NTM: variants seen among roughly 807,000 people sequenced by gnomAD.
NTM encodes neurotrimin, also known as IgLON family member 2.
Under a neutral mutation model 42.1 loss-of-function variants are expected in NTM, and 13 were observed. The ratio of observed to expected loss-of-function variants is 0.31; its 90% confidence interval spans 0.20 to 0.49. NTM has a LOEUF of 0.49. Among genes scored for constraint, NTM ranks in the 20% least tolerant of loss-of-function variants. NTM has a pLI of 0.99. For synonymous variants in NTM, 187 were observed against 179.2 expected, an observed-to-expected ratio of 1.04 and a Z score of -0.35; for missense variants, 373 against 452.8, an observed-to-expected ratio of 0.82 and a Z score of 1.60.
chr11:131,946,633 C>A (rs962259864), intron 2 of NTM, among the ~76,000 whole-genome samples: 1 of 152,146 alleles, frequency 6.6e-6, no homozygotes, highest in African/African-American at 2.4e-5. Context: ...ATTTTACATT[C>A]ATCTCTAACC....
intron 1 of NTM, among the ~76,000 whole-genome samples, chr11:131,397,034 C>G (rs1352420119): frequency 6.6e-6 from 1 of 152,038 alleles, no homozygotes; most frequent in African/African-American, 2.4e-5. Context: ...GACAGTCACT[C>G]AGGAATAACT....
intron 4 of NTM, among the ~76,000 whole-genome samples, chr11:132,275,565 G>T (rs1229182552): frequency 2.0e-5 from 3 of 149,170 alleles, no homozygotes; most frequent in East Asian, 3.9e-4. Context: ...CACATATATT[G>T]CAGAGCAAGT....
intron 1 of NTM, among the ~76,000 whole-genome samples, chr11:131,616,135 G>C (rs2061909659): frequency 6.6e-6 from 1 of 152,194 alleles, no homozygotes; most frequent in African/African-American, 2.4e-5. Flanking sequence ...TCAAGAGGTA[G>C]CAAATCATCT....
rs2061529439 is a variant in NTM, at chr11:131,612,367, A to G, written c.82+241479A>G. Reference sequence around the variant, plus strand: ...TAGGCTATGGCCTGCTTTGTTATACAGCAACAGATAACTAATACGCTAGTT... The same window carrying G: ...TAGGCTATGGCCTGCTTTGTTATACGGCAACAGATAACTAATACGCTAGTT... On this transcript the variant is annotated intron_variant, in intron 1 of 8. Coordinates refer to ENST00000683400, the MANE Select transcript of NTM (RefSeq NM_001352005.2). Among the ~76,000 whole-genome samples, 12 of 152,394 alleles carry G rather than the reference A, an allele frequency of 7.9e-5. 1 individual carries two copies. The South Asian group carries it at 2.5e-3, about 32-fold the overall frequency.
chr11:131,565,457 G>C (rs934945001), intron 1 of NTM, among the ~76,000 whole-genome samples: 1 of 152,168 alleles, frequency 6.6e-6, no homozygotes, highest in Non-Finnish European at 1.5e-5. Context: ...GGTTGGTTCT[G>C]TTCTCATGCC....
chr11:131,450,548 G>GC (rs1173428569), intron 1 of NTM, among the ~76,000 whole-genome samples: 1 of 152,114 alleles, frequency 6.6e-6, no homozygotes, highest in Non-Finnish European at 1.5e-5. Context: ...GGGCTGCTTG[G>GC]CCAACCATGT....
intron 1 of NTM, among the ~76,000 whole-genome samples, chr11:131,455,311 A>G (rs1447053225): frequency 6.6e-6 from 1 of 152,208 alleles, no homozygotes; most frequent in Non-Finnish European, 1.5e-5. Context: ...CTCACCCCAG[A>G]GGCTGTGCAG....
At position 132,335,771 on chromosome 11, in the gene NTM, T is replaced by TACAG; in HGVS notation, c.*626_*627insCAGA. 1 of 152,428 alleles carries TACAG rather than the reference T, an allele frequency of 6.6e-6. No homozygotes were observed. Among genetic ancestry groups the TACAG allele is most frequent in the African/African-American group, 2.4e-5 (1 of 41,438 alleles). 9.4% of individuals were successfully genotyped at this position (152,428 alleles called of 1,614,324 possible). On this transcript the variant is annotated 3_prime_UTR_variant, in exon 9 of 9. Transcript: ENST00000683400. Reference sequence around the variant, plus strand: ...CATTTTACTACATGAACATCATGGATAACAAGGGATTCTGATTCATTATTA... The same window carrying TACAG: ...CATTTTACTACATGAACATCATGGATACAGAACAAGGGATTCTGATTCATTATTA...
chr11:132,240,266 C>T (rs1052736346), intron 4 of NTM, among the ~76,000 whole-genome samples: 3 of 152,136 alleles, frequency 2.0e-5, no homozygotes, highest in Non-Finnish European at 4.4e-5. Flanking sequence ...GCATTTTAGT[C>T]CTTCTCTTTT....
rs142636001 is a variant in NTM, at chr11:131,688,712, G to A, written c.83-222852G>A. On this transcript the variant is annotated intron_variant, in intron 1 of 8. Transcript: ENST00000683400. ...TTGAGCTTGATGCTGCTTCTTCAGGGGTGGGGGTGATGCGTGTGTGGAAGA... is the reference window on the plus strand; with the variant it reads ...TTGAGCTTGATGCTGCTTCTTCAGGAGTGGGGGTGATGCGTGTGTGGAAGA... 5.8e-3 allele frequency among the ~76,000 whole-genome samples: 889 copies of A among 152,328 alleles called. 12 individuals are homozygous for A. Among genetic ancestry groups the A allele is most frequent in the African/African-American group, 0.02 (832 of 41,574 alleles).
At chr11:132,066,594 C>T (rs1343273463) in intron 2 of NTM, among the ~76,000 whole-genome samples, 4 of 152,170 alleles carry the variant, frequency 2.6e-5, no homozygotes, top group Non-Finnish European at 4.4e-5. Flanking sequence ...GGCAGAGCCG[C>T]AGGAGCGTAG....
intron 4 of NTM, among the ~76,000 whole-genome samples, chr11:132,240,280 C>T (rs1431915510): frequency 6.6e-6 from 1 of 152,082 alleles, no homozygotes; most frequent in South Asian, 2.1e-4. Flanking sequence ...CTCTTTTTTC[C>T]TCAACTCTGT....
rs150142378 is a variant in NTM, at chr11:131,815,988, T to C, written c.83-95576T>C. ...AGAGAGATGGCGGTGAAACTGACCA[T>C]GGTTTCCATTTCAACCTTTGAAAAC... On this transcript the variant is annotated intron_variant, in intron 1 of 8. Transcript: ENST00000683400. Among the ~76,000 whole-genome samples the C allele has an allele frequency of 4.0e-3, 604 of 152,242 alleles. 8 individuals are homozygous for C. Among genetic ancestry groups the C allele is most frequent in the African/African-American group, 0.014 (570 of 41,554 alleles).
intron 1 of NTM, among the ~76,000 whole-genome samples, chr11:131,894,422 CT>C (rs1345559382): frequency 1.3e-5 from 2 of 152,316 alleles, no homozygotes; most frequent in East Asian, 3.9e-4. Flanking sequence ...GATTTATGAG[CT>C]CTGCAAAACT....
At chr11:131,949,153 C>T (rs185404292) in intron 2 of NTM, among the ~76,000 whole-genome samples, 34 of 152,322 alleles carry the variant, frequency 2.2e-4, no homozygotes, top group African/African-American at 7.7e-4. Context: ...TCACATATGG[C>T]AGATTTCTTT....
At chr11:131,768,749 A>C (rs1343763550) in intron 1 of NTM, among the ~76,000 whole-genome samples, 1 of 152,184 alleles carries the variant, frequency 6.6e-6, no homozygotes, top group Non-Finnish European at 1.5e-5. Context: ...CAATGTCTTG[A>C]TACATGGGAA....
chr11:132,217,818 A>G (rs1261307967), intron 4 of NTM, among the ~76,000 whole-genome samples: 1 of 128,028 alleles, frequency 7.8e-6, no homozygotes, highest in East Asian at 2.0e-4. Flanking sequence ...TGACACCCGG[A>G]TAAGAGTTCT....
At chr11:131,590,986 G>A (rs534153982) in intron 1 of NTM, among the ~76,000 whole-genome samples, 12 of 152,290 alleles carry the variant, frequency 7.9e-5, no homozygotes, top group African/African-American at 2.9e-4. Flanking sequence ...CCAGGAGAAG[G>A]GCTCCGGGTA....
At chr11:132,072,396 A>G (rs933865650) in intron 2 of NTM, among the ~76,000 whole-genome samples, 27 of 152,196 alleles carry the variant, frequency 1.8e-4, no homozygotes, top group Non-Finnish European at 2.9e-5. Context: ...TCTTAGAACA[A>G]TAAGGGTTCT....
Sources: allele counts gnomAD v4.1 joint callset (sites outside exome capture counted in the v4.1 genomes callset), GRCh38; gene constraint gnomAD v4.1.1; transcripts MANE v1.5; gene names NCBI Gene and HGNC (gene_info 2026-07-23, HGNC 2026-07-21).